PLCH1: variants seen among roughly 807,000 people sequenced by gnomAD.
PLCH1 encodes the protein phospholipase C eta 1, also known as 1-phosphatidylinositol 4,5-bisphosphate phosphodiesterase eta-1.
A neutral mutation model predicts 126.7 loss-of-function variants in PLCH1; 60 were observed. That is an observed-to-expected ratio of 0.47 (90% CI 0.38 to 0.59). The LOEUF (loss-of-function observed/expected upper bound fraction) is 0.59. Among genes scored for constraint, PLCH1 ranks in the 20% least tolerant of loss-of-function variants. The probability of loss-of-function intolerance (pLI) is 0.00; values close to 1 mark genes in which losing one functional copy is unlikely to be tolerated. For missense variants in PLCH1, 1,723 were observed against 2,040.0 expected, an observed-to-expected ratio of 0.84 and a Z score of 2.99; for synonymous variants, 719 against 734.9, an observed-to-expected ratio of 0.98 and a Z score of 0.35.
At chr3:155,684,822 C>T (rs1744809974) in intron 2 of PLCH1, among the ~76,000 whole-genome samples, 1 of 152,154 alleles carries the variant, frequency 6.6e-6, no homozygotes, top group Non-Finnish European at 1.5e-5. Flanking sequence ...GAGAAAGTAG[C>T]TCTTCTCCAC....
intron 2 of PLCH1, among the ~76,000 whole-genome samples, chr3:155,688,394 T>C (rs1366173284): frequency 6.6e-6 from 1 of 152,154 alleles, no homozygotes. Flanking sequence ...AAAGGCCAGT[T>C]GAGTTGGAAT....
intron 1 of PLCH1, among the ~76,000 whole-genome samples, chr3:155,711,729 T>C (rs1747136361): frequency 6.6e-6 from 1 of 152,166 alleles, no homozygotes; most frequent in African/African-American, 2.4e-5. Context: ...AATCAGAGTA[T>C]TGCATCCACT....
intron 2 of PLCH1, chr3:155,676,262 T>C (rs1012846401): frequency 2.5e-6 from 3 of 1,200,424 alleles, no homozygotes; most frequent in Admixed American, 4.4e-5. Context: ...GATATGATTA[T>C]AGAACTTTGT....
chr3:155,568,496 T>C (rs16825099), intron 6 of PLCH1, among the ~76,000 whole-genome samples, 172 bp from the exon 7 acceptor site: 22,691 of 152,126 alleles, frequency 0.15, 3,059 homozygotes, highest in African/African-American at 0.36. Context: ...ATGACCATGA[T>C]TCAATCTTCC....
intron 2 of PLCH1, among the ~76,000 whole-genome samples, chr3:155,673,337 A>G (rs1743727896): frequency 1.3e-5 from 2 of 152,066 alleles, no homozygotes; most frequent in Admixed American, 1.3e-4. Flanking sequence ...AGTTACTACA[A>G]GAGAGCTAAG....
At chr3:155,696,870 A>G (rs1745856763) in intron 2 of PLCH1, among the ~76,000 whole-genome samples, 1 of 152,220 alleles carries the variant, frequency 6.6e-6, no homozygotes, top group African/African-American at 2.4e-5. Context: ...ATCTCATGGA[A>G]AAAGCCATCC....
At chr3:155,495,227 T>C (rs1194424135) in intron 15 of PLCH1, among the ~76,000 whole-genome samples, 1 of 152,108 alleles carries the variant, frequency 6.6e-6, no homozygotes, top group African/African-American at 2.4e-5. Context: ...TAAAAGTACA[T>C]GAAGCCTGTA....
At chr3:155,551,566 G>A (rs1252301208) in intron 9 of PLCH1, among the ~76,000 whole-genome samples, 2 of 147,790 alleles carry the variant, frequency 1.4e-5, no homozygotes, top group African/African-American at 2.5e-5. Flanking sequence ...TACAGGAGAC[G>A]CTTGTCAATA....
At chr3:155,682,697 G>C (rs1440310237) in intron 2 of PLCH1, among the ~76,000 whole-genome samples, 1 of 151,798 alleles carries the variant, frequency 6.6e-6, no homozygotes, top group Non-Finnish European at 1.5e-5. Context: ...GGAAAAACTG[G>C]GCTTTCTAAT....
chr3:155,723,045 C>A (rs182583644), intron 1 of PLCH1, among the ~76,000 whole-genome samples: 5 of 152,276 alleles, frequency 3.3e-5, no homozygotes, highest in Admixed American at 2.0e-4. Flanking sequence ...CTAGTTTAAT[C>A]TAGGAGGATT....
At chr3:155,610,391 C>CAAAAAAAA (rs1381881513) in intron 2 of PLCH1, among the ~76,000 whole-genome samples, 48 of 60,772 alleles carry the variant, frequency 7.9e-4, no homozygotes, top group East Asian at 2.5e-3. Context: ...AAAAAAAAAC[C>CAAAAAAAA]ATCACCTAGG....
At chr3:155,714,959 C>T (rs1307319459) in intron 1 of PLCH1, among the ~76,000 whole-genome samples, 1 of 152,156 alleles carries the variant, frequency 6.6e-6, no homozygotes, top group Non-Finnish European at 1.5e-5. Context: ...ACCAGTTGAG[C>T]CTGAACTTTC....
In PLCH1 at chr3:155,717,333, C is replaced by T. The variant is rs562454801; in HGVS notation, c.-40-13069G>A. Among the ~76,000 whole-genome samples, 193 of 152,360 alleles carry T rather than the reference C, an allele frequency of 1.3e-3. 1 individual carries two copies. The highest frequency in any genetic ancestry group is 4.2e-3 in the African/African-American group (176 of 41,588). ...GACAGTTGGCCCCCTTCCCACAGTT[C>T]CACTAGGCAGTGCCCTGGTGGGGAC... On this transcript the variant is annotated intron_variant, in intron 1 of 22. Transcript: ENST00000460012.
At chr3:155,498,060 T>C (rs998867991) in intron 14 of PLCH1, among the ~76,000 whole-genome samples, 1 of 152,192 alleles carries the variant, frequency 6.6e-6, no homozygotes, top group Non-Finnish European at 1.5e-5. Flanking sequence ...GATGAAATCT[T>C]GTGAGGTCCT....
chr3:155,511,938 C>T (rs1719600254), intron 12 of PLCH1, among the ~76,000 whole-genome samples: 1 of 152,034 alleles, frequency 6.6e-6, no homozygotes, highest in Non-Finnish European at 1.5e-5. Flanking sequence ...ATGGCGGGCG[C>T]CCCTCCCCCA....
intron 2 of PLCH1, among the ~76,000 whole-genome samples, chr3:155,612,068 G>C (rs1735169977): frequency 6.6e-6 from 1 of 152,106 alleles, no homozygotes; most frequent in African/African-American, 2.4e-5. Context: ...TGTAATCCCA[G>C]TACTTTGGGA....
chr3:155,493,989 T>C, intron 17 of PLCH1, 152 bp downstream of exon 17: 1 of 618,528 alleles, frequency 1.6e-6, no homozygotes, highest in South Asian at 2.0e-5. Flanking sequence ...CTAATTCACA[T>C]TCAAACACCT....
At chr3:155,492,642 A>T in intron 18 of PLCH1, 87 bp downstream of exon 18, 1 of 1,258,356 alleles carries the variant, frequency 7.9e-7, no homozygotes, top group South Asian at 1.7e-5. Context: ...ACACACATAC[A>T]TCTCTGAAGA....
chr3:155,487,890 T>A (rs969429650), intron 21 of PLCH1, 138 bp downstream of exon 21: 6 of 608,334 alleles, frequency 9.9e-6, no homozygotes, highest in Non-Finnish European at 3.0e-6. Context: ...AATAGCAGAC[T>A]GGGCTTGCTG....
Sources: allele counts gnomAD v4.1 joint callset (sites outside exome capture counted in the v4.1 genomes callset), GRCh38; gene constraint gnomAD v4.1.1; transcripts MANE v1.5; gene names NCBI Gene and HGNC (gene_info 2026-07-23, HGNC 2026-07-21).